MNAT1: variants seen among roughly 807,000 people sequenced by gnomAD.
MNAT1 encodes the protein MNAT1 component of CDK activating kinase.
In MNAT1, 43 loss-of-function variants were observed where a neutral mutation model predicts 42.0. That is an observed-to-expected ratio of 1.02 (90% CI 0.80 to 1.32). The LOEUF (loss-of-function observed/expected upper bound fraction) is 1.32, where lower values mean the gene tolerates loss of function less well. MNAT1 is among the 40% of genes most tolerant of loss of function. The pLI is 0.00. For missense variants in MNAT1, 306 were observed against 350.4 expected (o/e 0.87, Z 1.01); for synonymous variants, 118 against 120.0 (o/e 0.98, Z 0.11).
In MNAT1 at chr14:60,938,076, T is replaced by C. The variant is rs2036047452; in HGVS notation, c.810-30153T>C. Among the ~76,000 whole-genome samples the C allele has an allele frequency of 2.6e-5, 4 of 152,232 alleles. No individual in the cohort carries two copies. The South Asian group carries it at 8.3e-4, about 31-fold the overall frequency. ...GGTTGTGATTTTTGCACATTGATTT[T>C]GTATCCTGAGACTTTGCTGAAGTTG... On this transcript the variant is annotated intron_variant, in intron 7 of 7. Transcript: ENST00000261245.
intron 3 of MNAT1, among the ~76,000 whole-genome samples, chr14:60,805,507 A>G (rs1249726762): frequency 6.6e-6 from 1 of 152,202 alleles, no homozygotes; most frequent in African/African-American, 2.4e-5. Context: ...ATCTACCATT[A>G]TATCATACAG....
intron 1 of MNAT1, among the ~76,000 whole-genome samples, chr14:60,776,942 G>A (rs1401089308): frequency 9.8e-5 from 3 of 30,730 alleles, no homozygotes; most frequent in Admixed American, 6.3e-4. Context: ...TGACTTCCCG[G>A]GCTCAGGTGT....
chr14:60,891,668 G>A (rs1465556374), intron 7 of MNAT1, among the ~76,000 whole-genome samples: 2 of 152,122 alleles, frequency 1.3e-5, no homozygotes, highest in East Asian at 3.8e-4. Flanking sequence ...GGCCAGGCTG[G>A]TCTCGAACTC....
At chr14:60,923,741 G>T (rs1401945769) in intron 7 of MNAT1, among the ~76,000 whole-genome samples, 1 of 152,166 alleles carries the variant, frequency 6.6e-6, no homozygotes, top group Non-Finnish European at 1.5e-5. Context: ...TACTTTGAGA[G>T]GCTGAGGCAG....
intron 6 of MNAT1, among the ~76,000 whole-genome samples, chr14:60,822,408 A>G (rs529220904): frequency 6.6e-6 from 1 of 152,208 alleles, no homozygotes; most frequent in Non-Finnish European, 1.5e-5. Flanking sequence ...TCAGCAGCAT[A>G]CTTTTTAAAT....
At chr14:60,943,995 A>G (rs1053502207) in intron 7 of MNAT1, among the ~76,000 whole-genome samples, 2 of 152,262 alleles carry the variant, frequency 1.3e-5, no homozygotes, top group South Asian at 2.1e-4. Flanking sequence ...GTTTCTAACT[A>G]GAACTGCAAT....
chr14:60,809,293 C>A (rs1013826445), intron 4 of MNAT1, among the ~76,000 whole-genome samples: 1 of 152,108 alleles, frequency 6.6e-6, no homozygotes, highest in African/African-American at 2.4e-5. Context: ...AAGAGACTTC[C>A]TCCTTGTAGT....
chr14:60,845,089 TATA>T (rs2033649442), intron 6 of MNAT1, among the ~76,000 whole-genome samples: 1 of 152,034 alleles, frequency 6.6e-6, no homozygotes, highest in Non-Finnish European at 1.5e-5. Context: ...TTTGGAGTAA[TATA>T]ATGTTTTTAT....
chr14:60,750,595 C>CTTTGTAG (rs2030044871), intron 1 of MNAT1, among the ~76,000 whole-genome samples: 1 of 109,220 alleles, frequency 9.2e-6, no homozygotes, highest in South Asian at 3.1e-4. Flanking sequence ...TAGAAATATT[C>CTTTGTAG]TTTGTAGTTA....
At chr14:60,866,391 C>G (rs2034203557) in intron 6 of MNAT1, among the ~76,000 whole-genome samples, 1 of 144,932 alleles carries the variant, frequency 6.9e-6, no homozygotes, top group Non-Finnish European at 1.5e-5. Flanking sequence ...TGAACTAAGT[C>G]AGTCATATAA....
chr14:60,780,547 C>A (rs2031420796), intron 1 of MNAT1: 8 of 1,537,372 alleles, frequency 5.2e-6, no homozygotes, highest in Non-Finnish European at 7.2e-6. Flanking sequence ...CTACTACAAT[C>A]CACAAAGTAA....
intron 1 of MNAT1, among the ~76,000 whole-genome samples, chr14:60,792,370 T>A (rs1283733293): frequency 2.6e-5 from 4 of 152,146 alleles, no homozygotes; most frequent in African/African-American, 9.7e-5. Context: ...CAAGTTAGGT[T>A]TATTTTGGGA....
intron 7 of MNAT1, among the ~76,000 whole-genome samples, chr14:60,940,822 C>T (rs375777139): frequency 8.6e-5 from 13 of 152,034 alleles, no homozygotes; most frequent in Admixed American, 5.2e-4. Context: ...TTCCTTATTC[C>T]TTCTCACAAA....
chr14:60,929,489 C>A lies in MNAT1; in HGVS notation c.810-38740C>A, dbSNP rs550890389. The stretch of plus-strand genomic sequence containing the variant: ...GTGGTGTGGGCTAAAGGTCCAAGTT[C>A]ATCATTTTTGCACAGAGATACCCAA... On this transcript the variant is annotated intron_variant, in intron 7 of 7. Coordinates refer to ENST00000261245, the MANE Select transcript of MNAT1 (RefSeq NM_002431.4). Among the ~76,000 whole-genome samples the A allele has an allele frequency of 2.0e-5, 3 of 152,066 alleles. No homozygotes were observed. The South Asian group carries it at 6.2e-4, about 32-fold the overall frequency.
At chr14:60,754,559 C>G (rs970454348) in intron 1 of MNAT1, among the ~76,000 whole-genome samples, 5 of 151,924 alleles carry the variant, frequency 3.3e-5, no homozygotes, top group Non-Finnish European at 7.4e-5. Flanking sequence ...CCGTGTTAGC[C>G]ACGATGGTCT....
chr14:60,736,043 A>C (rs1896298035), intron 1 of MNAT1, among the ~76,000 whole-genome samples: 1 of 152,186 alleles, frequency 6.6e-6, no homozygotes, highest in African/African-American at 2.4e-5. Context: ...ATTATATGGA[A>C]TTTATTAGCT....
intron 7 of MNAT1, among the ~76,000 whole-genome samples, chr14:60,913,840 A>G (rs939677236): frequency 3.3e-5 from 5 of 151,846 alleles, no homozygotes; most frequent in South Asian, 2.1e-4. Flanking sequence ...AAGAACCACT[A>G]CTCTCTTCAA....
chr14:60,741,129 TC>T (rs1295856380), intron 1 of MNAT1, among the ~76,000 whole-genome samples: 1 of 152,176 alleles, frequency 6.6e-6, no homozygotes, highest in African/African-American at 2.4e-5. Flanking sequence ...ATATGCTTTT[TC>T]CTGAAGATTC....
chr14:60,892,989 A>G (rs913499452), intron 7 of MNAT1, among the ~76,000 whole-genome samples: 1 of 152,256 alleles, frequency 6.6e-6, no homozygotes, highest in Non-Finnish European at 1.5e-5. Context: ...TAGAAAACAA[A>G]ATGTGAGTTA....
Sources: allele counts gnomAD v4.1 joint callset (sites outside exome capture counted in the v4.1 genomes callset), GRCh38; gene constraint gnomAD v4.1.1; transcripts MANE v1.5; gene names NCBI Gene and HGNC (gene_info 2026-07-23, HGNC 2026-07-21).